Variants in CADPS2 observed in about 807,000 individuals in gnomAD.
The protein encoded by CADPS2 is calcium-dependent secretion activator 2.
Under a neutral mutation model 172.5 loss-of-function variants are expected in CADPS2, and 93 were observed. That is an observed-to-expected ratio of 0.54 (90% CI 0.46 to 0.64). CADPS2 has a LOEUF of 0.64. CADPS2 is among the 30% of genes least tolerant of loss of function. CADPS2 has a pLI of 0.00. For missense variants in CADPS2, 1,420 were observed against 1,565.9 expected, an observed-to-expected ratio of 0.91 and a Z score of 1.57; for synonymous variants, 546 against 555.2, an observed-to-expected ratio of 0.98 and a Z score of 0.23.
At chr7:122,688,905 G>A (rs1455728399) in intron 2 of CADPS2, among the ~76,000 whole-genome samples, 1 of 152,094 alleles carries the variant, frequency 6.6e-6, no homozygotes, top group Admixed American at 6.5e-5. Flanking sequence ...ATATACATAA[G>A]CTTTGGTACA....
At chr7:122,406,588 G>A (rs1212711995) in intron 20 of CADPS2, among the ~76,000 whole-genome samples, 1 of 152,108 alleles carries the variant, frequency 6.6e-6, no homozygotes, top group Non-Finnish European at 1.5e-5. Flanking sequence ...AATGGAGTGA[G>A]GTCTATTCAG....
intron 13 of CADPS2, among the ~76,000 whole-genome samples, chr7:122,473,946 C>T (rs1249303102): frequency 6.6e-6 from 1 of 152,112 alleles, no homozygotes; most frequent in East Asian, 1.9e-4. Flanking sequence ...ATTTCCTTCC[C>T]CTGCCACTTA....
chr7:122,793,475 G>A (rs1273469659), intron 1 of CADPS2, among the ~76,000 whole-genome samples: 3 of 152,030 alleles, frequency 2.0e-5, no homozygotes, highest in Admixed American at 2.0e-4. Context: ...TTTTCCATTT[G>A]CCTGGTAGAT....
chr7:122,769,898 A>G (rs1384062557), intron 1 of CADPS2, among the ~76,000 whole-genome samples: 2 of 152,208 alleles, frequency 1.3e-5, no homozygotes, highest in African/African-American at 4.8e-5. Flanking sequence ...TGAGGGTTAA[A>G]TTATAATTGT....
rs751209797 is a variant in CADPS2, at chr7:122,345,659, T to A, written c.3527A>T (p.Asp1176Val). The A allele has an allele frequency of 1.4e-5, 23 of 1,612,154 alleles. No individual in the cohort carries two copies. The highest frequency in any genetic ancestry group is 2.0e-5 in the Non-Finnish European group (23 of 1,178,704). ...TTGCCGAACAAACATAATATAGGTG[T>A]CTGCCAGATCCATTCCTGGTTTCTG... is the stretch of plus-strand genomic sequence containing the variant. ...DVPKPGMDLA[D>V]TYIMFVRQNQ... is the part of the protein sequence containing the mutation. Residue 1176 changes from aspartate (D) to valine (V), a missense_variant, in exon 28 of 30, where the codon GAC (aspartate) becomes GTC (valine). Physicochemically the swap from Asp to Val is radical, Grantham distance 152. Transcript: ENST00000449022.
chr7:122,812,091 A>G (rs968862820), intron 1 of CADPS2, among the ~76,000 whole-genome samples: 1 of 152,066 alleles, frequency 6.6e-6, no homozygotes, highest in Non-Finnish European at 1.5e-5. Context: ...AAAGGACTAA[A>G]GATTCTACTT....
intron 1 of CADPS2, among the ~76,000 whole-genome samples, chr7:122,784,169 C>G (rs1239895920): frequency 1.3e-5 from 2 of 152,266 alleles, no homozygotes; most frequent in African/African-American, 4.8e-5. Flanking sequence ...CTCACATCCC[C>G]TAATAAGCTC....
chr7:122,412,471 T>C (rs1323120161), intron 19 of CADPS2, among the ~76,000 whole-genome samples: 1 of 152,176 alleles, frequency 6.6e-6, no homozygotes, highest in Admixed American at 6.5e-5. Context: ...GATACTGATA[T>C]TTAGGGGAAT....
intron 2 of CADPS2, among the ~76,000 whole-genome samples, chr7:122,669,353 A>ATT (rs1420234385): frequency 1.2e-5 from 1 of 81,436 alleles, no homozygotes; most frequent in African/African-American, 5.7e-5. Context: ...ATATATATAT[A>ATT]TATTTTTTTT....
intron 2 of CADPS2, chr7:122,681,241 C>T: frequency 1.4e-6 from 1 of 720,764 alleles, no homozygotes; most frequent in Admixed American, 2.0e-5. Flanking sequence ...AATGAACCTG[C>T]ACAATGTGCA....
intron 7 of CADPS2, among the ~76,000 whole-genome samples, chr7:122,577,477 C>A (rs576576698): frequency 3.3e-5 from 5 of 152,112 alleles, no homozygotes; most frequent in Admixed American, 6.5e-5. Flanking sequence ...TTCGTCTATG[C>A]CACTGCATTA....
intron 28 of CADPS2, among the ~76,000 whole-genome samples, chr7:122,332,877 A>G (rs1472086945): frequency 2.0e-5 from 3 of 152,208 alleles, no homozygotes; most frequent in East Asian, 1.9e-4. Flanking sequence ...TTAAAAAATA[A>G]TGTTCTTTAT....
chr7:122,420,759 C>A (rs1429780824), intron 17 of CADPS2, among the ~76,000 whole-genome samples: 1 of 152,202 alleles, frequency 6.6e-6, no homozygotes, highest in Non-Finnish European at 1.5e-5. Context: ...CCAAAAGTAG[C>A]AAAGTTGCTT....
At chr7:122,596,938 C>G (rs187340653) in intron 6 of CADPS2, among the ~76,000 whole-genome samples, 1 of 152,018 alleles carries the variant, frequency 6.6e-6, no homozygotes, top group Non-Finnish European at 1.5e-5. Context: ...GTGAGGGCAT[C>G]AGGCTGCTTC....
intron 9 of CADPS2, among the ~76,000 whole-genome samples, chr7:122,506,693 C>A (rs542962090): frequency 6.7e-6 from 1 of 148,884 alleles, no homozygotes; most frequent in African/African-American, 2.5e-5. Context: ...TGGAAATGTT[C>A]TTGGCAGAGG....
intron 11 of CADPS2, among the ~76,000 whole-genome samples, chr7:122,484,732 A>G (rs1438994368): frequency 1.3e-5 from 2 of 151,984 alleles, no homozygotes; most frequent in Non-Finnish European, 2.9e-5. Flanking sequence ...TTAGGAGAAA[A>G]TATTTGCAAA....
chr7:122,696,317 G>C (rs150397935), intron 2 of CADPS2, among the ~76,000 whole-genome samples: 149 of 152,256 alleles, frequency 9.8e-4, no homozygotes, highest in African/African-American at 3.4e-3. Context: ...AAATCCTCCA[G>C]TAGTCCAGTG....
chr7:122,543,004 G>T lies in CADPS2; in HGVS notation c.1475+11546C>A, dbSNP rs79519010. Among the ~76,000 whole-genome samples the T allele has an allele frequency of 3.3e-5, 5 of 151,954 alleles. No homozygotes were observed. The East Asian group carries it at 9.7e-4, about 29-fold the overall frequency. On this transcript the variant is annotated intron_variant, in intron 8 of 29. Transcript: ENST00000449022. The stretch of plus-strand genomic sequence containing the variant: ...AATGAAAATTCCATCTAAGTGACTT[G>T]GGGCAACACTATCATGTATAGTGTT...
intron 12 of CADPS2, among the ~76,000 whole-genome samples, chr7:122,478,915 T>C (rs561023529): frequency 6.6e-6 from 1 of 152,294 alleles, no homozygotes; most frequent in African/African-American, 2.4e-5. Context: ...TGTGCACATG[T>C]ACCCTAGAAC....
Sources: allele counts gnomAD v4.1 joint callset (sites outside exome capture counted in the v4.1 genomes callset), GRCh38; gene constraint gnomAD v4.1.1; transcripts MANE v1.5; gene names NCBI Gene and HGNC (gene_info 2026-07-23, HGNC 2026-07-21).